The following CTBP1 variants were observed in gnomAD, a reference collection of about 807,000 sequenced individuals.
CTBP1 encodes C-terminal binding protein 1.
A neutral mutation model predicts 42.1 loss-of-function variants in CTBP1; 11 were observed. The ratio of observed to expected loss-of-function variants is 0.26; its 90% confidence interval spans 0.16 to 0.43. The LOEUF (loss-of-function observed/expected upper bound fraction) is 0.43. CTBP1 is among the 20% of genes least tolerant of loss of function. The pLI, the probability that CTBP1 is intolerant of heterozygous loss-of-function variation, is 1.00. For synonymous variants in CTBP1, 324 were observed against 277.1 expected, an observed-to-expected ratio of 1.17 and a Z score of -1.68; for missense variants, 399 against 624.3, an observed-to-expected ratio of 0.64 and a Z score of 3.85.
rs1248232680 is a variant in CTBP1 at position 1,241,439 on chromosome 4, G to A, written c.-108C>T. 5.2e-6 allele frequency: 8 copies of A among 1,545,654 alleles called. No homozygotes were observed. The highest frequency in any genetic ancestry group is 1.7e-4 in the Middle Eastern group (1 of 5,934). On this transcript the variant is annotated 5_prime_UTR_variant, in exon 2 of 10. The change creates a new upstream start codon in the 5' untranslated region. Transcript: ENST00000382952. The stretch of plus-strand genomic sequence containing the variant: ...GTCCTGTCTCGGAGCCTCATCCCAC[G>A]TCCTTAATTGTCTCGAGCCAAAGTG...
At chr4:1,232,460 C>T (rs1352931448) in intron 3 of CTBP1, among the ~76,000 whole-genome samples, 1 of 152,004 alleles carries the variant, frequency 6.6e-6, no homozygotes, top group African/African-American at 2.4e-5. Flanking sequence ...TACAGGCGCG[C>T]ACCACCACGC....
intron 1 of CTBP1, chr4:1,243,077 A>G: frequency 4.1e-6 from 4 of 985,328 alleles, no homozygotes; most frequent in Non-Finnish European, 4.8e-6. Context: ...GATACCAGTC[A>G]ATACTCATCA....
At chr4:1,237,333 A>G (rs571864037) in intron 3 of CTBP1, 7 of 672,022 alleles carry the variant, frequency 1.0e-5, no homozygotes, top group Non-Finnish European at 1.9e-5. Context: ...CCGAGTGTCC[A>G]CCTCCTGATG....
chr4:1,213,465 C>A lies in CTBP1; in HGVS notation c.988+13G>T. On this transcript the variant is annotated intron_variant, in intron 8 of 9. Transcript: ENST00000382952. ...GGGACCCCCAGGCCTGACCGAGCGG[C>A]CCCCACGCCCACCTGTGATGGCTCT... is the stretch of plus-strand genomic sequence containing the variant. 6.2e-7 allele frequency: 1 copy of A among 1,608,490 alleles called. No homozygotes were observed. The highest frequency in any genetic ancestry group is 8.5e-7 in the Non-Finnish European group (1 of 1,179,744).
chr4:1,226,246 T>C (rs1161796113), intron 4 of CTBP1, among the ~76,000 whole-genome samples: 3 of 151,790 alleles, frequency 2.0e-5, no homozygotes, highest in Non-Finnish European at 4.4e-5. Context: ...CTATTTACCC[T>C]CATCCCTGGC....
intron 1 of CTBP1, chr4:1,242,215 C>T: frequency 1.0e-6 from 1 of 985,442 alleles, no homozygotes; most frequent in Non-Finnish European, 1.2e-6. Context: ...CTGAGAGGGC[C>T]AAGCCTTCCA....
chr4:1,217,660 G>A (rs527742989), intron 5 of CTBP1: 65 of 152,382 alleles, frequency 4.3e-4, no homozygotes, highest in Middle Eastern at 3.4e-3. Context: ...CGCCTGACAC[G>A]GGAGAGCAGC....
chr4:1,243,829 C>A, intron 1 of CTBP1: 1 of 985,432 alleles, frequency 1.0e-6, no homozygotes, highest in Non-Finnish European at 1.2e-6. Context: ...TGCTTTTCCT[C>A]ATCAAAAACT....
intron 1 of CTBP1, chr4:1,243,742 T>C: frequency 1.0e-6 from 1 of 985,420 alleles, no homozygotes; most frequent in Non-Finnish European, 1.2e-6. Flanking sequence ...TCCAGCTCTG[T>C]ACCTTGCCCA....
intron 5 of CTBP1, chr4:1,216,455 C>T (rs1193261270): frequency 3.4e-6 from 2 of 588,892 alleles, no homozygotes; most frequent in Admixed American, 3.1e-5. Context: ...CGGCCCACAC[C>T]AGCTGCCAGC....
upstream of CTBP1, chr4:1,250,244 C>T (rs760797780): frequency 9.7e-6 from 2 of 205,598 alleles, no homozygotes; most frequent in African/African-American, 2.3e-5. Context: ...CCCGGGAAGA[C>T]CTCCAACCCC....
chr4:1,219,284 C>T (rs1365378577), intron 5 of CTBP1, among the ~76,000 whole-genome samples: 1 of 152,132 alleles, frequency 6.6e-6, no homozygotes, highest in Admixed American at 6.5e-5. Flanking sequence ...CCCCAGTGCT[C>T]AAGGCTGCAG....
At position 1,244,363 on chromosome 4, in the gene CTBP1, G is replaced by GC. The variant is rs1553851096; in HGVS notation, c.-188-2845_-188-2844insG. On this transcript the variant is annotated intron_variant, in intron 1 of 9. Coordinates refer to ENST00000382952, the MANE Select transcript of CTBP1 (RefSeq NM_001012614.2). The stretch of plus-strand genomic sequence containing the variant: ...GTGGGTCTCTGGGCACTGGGGGGGG[G>GC]GTGTTCCAGGAAGTCCCAGGGGGCA... 56 of 984,082 alleles carry GC rather than the reference G, an allele frequency of 5.7e-5. No homozygotes were observed. In the South Asian group the frequency reaches 2.2e-3, roughly 38 times the overall value. The allele number at this position is 984,082 out of a possible 1,614,324, so 61.0% of individuals were successfully genotyped here.
rs973629205 is a variant in CTBP1 at position 1,238,955 on chromosome 4, G to A, written c.8-618C>T. Among the ~76,000 whole-genome samples, 2 of 152,154 alleles carry A rather than the reference G, an allele frequency of 1.3e-5. No individual in the cohort carries two copies. The highest frequency in any genetic ancestry group is 4.8e-5 in the African/African-American group (2 of 41,430). ...CCTTTCCTGCCTGGGCTACCGCGTG[G>A]CTGCCCGGAATCCCTGATGGGGTCA... is the stretch of plus-strand genomic sequence containing the variant. On this transcript the variant is annotated intron_variant, in intron 2 of 9. Coordinates refer to ENST00000382952, the MANE Select transcript of CTBP1 (RefSeq NM_001012614.2). The surrounding 1 kb of genome is among the most constrained non-coding windows in gnomAD (Gnocchi z 5.9).
intron 8 of CTBP1, 130 bp from the exon 9 acceptor site, chr4:1,213,160 AGGCAC>A: frequency 1.2e-6 from 1 of 843,740 alleles, no homozygotes; most frequent in South Asian, 1.6e-5. Flanking sequence ...GGGGCTCCCA[AGGCAC>A]GGCAGGGTCC....
rs963795579 is a variant in CTBP1, at chr4:1,248,593, G to A, written c.-189+323C>T. The A allele has an allele frequency of 6.2e-6, 5 of 809,912 alleles. No individual in the cohort carries two copies. The African/African-American group carries it at 7.5e-5, about 12-fold the overall frequency. 50.2% of individuals were successfully genotyped at this position (809,912 alleles called of 1,614,324 possible). ...CCGGGGTGCCGTCCCGGGTCCGACG[G>A]GGCTGGGGTCGGTGGAGCTGGGGGT... On this transcript the variant is annotated intron_variant, in intron 1 of 9. Transcript: ENST00000382952.
chr4:1,221,102 T>G (rs1309914193), intron 5 of CTBP1, among the ~76,000 whole-genome samples: 1 of 152,180 alleles, frequency 6.6e-6, no homozygotes, highest in East Asian at 1.9e-4. Flanking sequence ...ACAATGCATG[T>G]CGATCTGACA....
At chr4:1,216,574 G>T in intron 5 of CTBP1, 1 of 365,868 alleles carries the variant, frequency 2.7e-6, no homozygotes, top group East Asian at 5.3e-5. Flanking sequence ...CCGTGCCCAG[G>T]CCCCTCCGCT....
chr4:1,225,674 C>T, intron 4 of CTBP1, 108 bp from the exon 5 acceptor site: 1 of 1,233,158 alleles, frequency 8.1e-7, no homozygotes, highest in Non-Finnish European at 1.1e-6. Context: ...AGGAAGAAGC[C>T]AAAGGCCGTG....
Sources: allele counts gnomAD v4.1 joint callset (sites outside exome capture counted in the v4.1 genomes callset), GRCh38; gene constraint gnomAD v4.1.1; non-coding constraint Gnocchi (gnomAD v3.1); transcripts MANE v1.5; gene names NCBI Gene and HGNC (gene_info 2026-07-23, HGNC 2026-07-21).